AKAP9: variants seen among roughly 807,000 people sequenced by gnomAD.
AKAP9 encodes the protein A-kinase anchoring protein 9.
In AKAP9, 311 loss-of-function variants were observed where a neutral mutation model predicts 488.5. The observed-to-expected ratio is 0.64, with a 90% CI of 0.58 to 0.70. The LOEUF is 0.70. Ranked by LOEUF, AKAP9 falls within the 30% of genes least tolerant of loss-of-function variation. The probability of loss-of-function intolerance (pLI) is 0.00; values close to 1 mark genes in which losing one functional copy is unlikely to be tolerated. For missense variants in AKAP9, 4,215 were observed against 4,374.5 expected (o/e 0.96, Z 1.03); for synonymous variants, 1,462 against 1,483.5 (o/e 0.99, Z 0.33).
At chr7:91,946,278 G>T (rs1393280585) in intron 1 of AKAP9, among the ~76,000 whole-genome samples, 1 of 152,186 alleles carries the variant, frequency 6.6e-6, no homozygotes, top group Non-Finnish European at 1.5e-5. Flanking sequence ...TTCATACTTA[G>T]ATGTGGCAGA....
At chr7:91,997,013 G>A (rs1298734494) in intron 7 of AKAP9, among the ~76,000 whole-genome samples, 3 of 152,246 alleles carry the variant, frequency 2.0e-5, no homozygotes, top group Non-Finnish European at 4.4e-5. Context: ...GTATACACAG[G>A]TAGTAAGTTG....
intron 22 of AKAP9, among the ~76,000 whole-genome samples, chr7:92,055,876 G>A (rs1808710057): frequency 6.6e-6 from 1 of 151,862 alleles, no homozygotes; most frequent in Non-Finnish European, 1.5e-5. Flanking sequence ...GCTCTTTTGA[G>A]TCTTTTTTGC....
At chr7:92,035,978 A>T (rs1335748089) in intron 16 of AKAP9, among the ~76,000 whole-genome samples, 1 of 151,838 alleles carries the variant, frequency 6.6e-6, no homozygotes, top group Non-Finnish European at 1.5e-5. Flanking sequence ...ATCCTTTTAG[A>T]ATCTTATTTC....
At chr7:92,008,590 A>G (rs1397009567) in intron 8 of AKAP9, among the ~76,000 whole-genome samples, 1 of 152,022 alleles carries the variant, frequency 6.6e-6, no homozygotes, top group Non-Finnish European at 1.5e-5. Context: ...ATGGGGGCTG[A>G]GGCAGGAGAA....
intron 12 of AKAP9, among the ~76,000 whole-genome samples, 187 bp downstream of exon 12, chr7:92,017,289 A>C (rs748411978): frequency 2.6e-5 from 4 of 152,120 alleles, no homozygotes; most frequent in Admixed American, 6.6e-5. Flanking sequence ...CAAGTCGAAT[A>C]ATAACCCCTT....
chr7:92,014,635 AT>A (rs1200520718), intron 10 of AKAP9, among the ~76,000 whole-genome samples: 2 of 152,216 alleles, frequency 1.3e-5, no homozygotes, highest in African/African-American at 2.4e-5. Flanking sequence ...TCTCAAAAAA[AT>A]AATAATAAAT....
chr7:92,042,295 CAT>C, intron 19 of AKAP9, 109 bp downstream of exon 19: 3 of 1,444,750 alleles, frequency 2.1e-6, no homozygotes, highest in Non-Finnish European at 2.9e-6. Flanking sequence ...CTGAGCTTAA[CAT>C]ATTTGTGACT....
intron 7 of AKAP9, 81 bp from the exon 8 acceptor site, chr7:92,000,766 GT>G (rs1799053060): frequency 2.7e-6 from 2 of 729,854 alleles, no homozygotes; most frequent in Non-Finnish European, 4.4e-6. Flanking sequence ...ACTTCTGTCA[GT>G]CTTTTGGTAA....
chr7:92,102,793 G>A lies in AKAP9; in HGVS notation c.11297G>A (p.Arg3766Gln), dbSNP rs137892407. The change falls in exon 46 of 50, where the codon CGG becomes CAG. Residue 3766 changes from arginine to glutamine, a missense_variant. Physicochemically the swap from Arg to Gln is conservative, Grantham distance 43. Around this residue, in one of 5 missense-constraint regions of AKAP9, gnomAD observed 253 missense variants for 266.8 expected, o/e 0.95. Transcript: ENST00000356239. ...CGCCCAAAGGGCTTCACCAGGTTTC[G>A]GTCGGCCGTCAGAGTATCCATTGCA... ...TNRPKGFTRF[R>Q]SAVRVSIAIS... is the part of the protein sequence containing the mutation. 96 of 1,614,172 alleles carry A rather than the reference G, an allele frequency of 5.9e-5. 1 individual carries two copies. The highest frequency in any genetic ancestry group is 3.5e-4 in the South Asian group (32 of 91,086).
chr7:92,092,777 G>T (rs551137118), intron 38 of AKAP9: 4 of 272,278 alleles, frequency 1.5e-5, no homozygotes, highest in African/African-American at 6.7e-5. Flanking sequence ...CTCCTGAGTC[G>T]ATGGGACTAC....
At chr7:92,071,686 T>G (rs1213392553) in intron 28 of AKAP9, among the ~76,000 whole-genome samples, 1 of 152,192 alleles carries the variant, frequency 6.6e-6, no homozygotes, top group Non-Finnish European at 1.5e-5. Context: ...TCTTATCATT[T>G]AAAATGTTTA....
At chr7:91,942,453 CAG>C (rs1790887430) in intron 1 of AKAP9, among the ~76,000 whole-genome samples, 1 of 152,186 alleles carries the variant, frequency 6.6e-6, no homozygotes, top group Admixed American at 6.5e-5. Context: ...AAAGGGGAAT[CAG>C]GGTATCTTTA....
intron 2 of AKAP9, 41 bp from the exon 3 acceptor site, chr7:91,980,247 CA>C (rs758538072): frequency 6.0e-6 from 8 of 1,322,862 alleles, no homozygotes; most frequent in South Asian, 1.3e-5. Flanking sequence ...ATATTTAGCA[CA>C]AAAAAGTCAT....
chr7:92,091,165 T>C (rs1446749463), intron 38 of AKAP9, among the ~76,000 whole-genome samples: 2 of 152,192 alleles, frequency 1.3e-5, no homozygotes, highest in African/African-American at 4.8e-5. Flanking sequence ...TAAAGTGAAA[T>C]CTAATTTTCA....
At chr7:92,035,716 G>A (rs1805083004) in intron 16 of AKAP9, among the ~76,000 whole-genome samples, 1 of 152,090 alleles carries the variant, frequency 6.6e-6, no homozygotes, top group South Asian at 2.1e-4. Context: ...ACTTCCCTCT[G>A]CAGTCTCCTA....
chr7:92,022,890 A>G lies in AKAP9; in HGVS notation c.4029A>G (p.Leu1343=). 1 of 1,612,590 alleles carries G rather than the reference A, an allele frequency of 6.2e-7. No homozygotes were observed. The highest frequency in any genetic ancestry group is 8.5e-7 in the Non-Finnish European group (1 of 1,178,692). The change falls in exon 14 of 50, where the codon TTA becomes TTG. Residue 1343 remains leucine (L), a synonymous_variant. Transcript: ENST00000356239. ...KTKLEEQVQE[L]ESLISSLQQQ... is the part of the protein sequence containing the mutation. ...AACTTGAAGAACAAGTTCAAGAATT[A>G]GAAAGCCTCATATCCTCTTTGCAGC... is the stretch of plus-strand genomic sequence containing the variant.
intron 8 of AKAP9, among the ~76,000 whole-genome samples, chr7:92,007,586 T>C (rs1800085560): frequency 6.6e-6 from 1 of 152,212 alleles, no homozygotes; most frequent in African/African-American, 2.4e-5. Flanking sequence ...AAATGAAAAG[T>C]CTCATTTCTG....
At chr7:92,098,082 T>C (rs765970581) in intron 42 of AKAP9, 27 bp from the exon 43 acceptor site, 1 of 1,476,476 alleles carries the variant, frequency 6.8e-7, no homozygotes, top group South Asian at 1.1e-5. Flanking sequence ...AGAAGGTATG[T>C]TTTGACTTTT....
intron 2 of AKAP9, among the ~76,000 whole-genome samples, chr7:91,979,103 G>A (rs911990534): frequency 2.6e-5 from 4 of 151,892 alleles, no homozygotes; most frequent in Non-Finnish European, 5.9e-5. Flanking sequence ...TAGCATTTTA[G>A]GACTTTGTTT....
Sources: gnomAD v4.1 joint callset for allele counts (sites outside exome capture counted in the v4.1 genomes callset) on GRCh38, gnomAD v4.1.1 for gene constraint, gnomAD v4.1.1 regional missense constraint, MANE v1.5 for transcripts, NCBI Gene and HGNC (gene_info 2026-07-23, HGNC 2026-07-21) for gene names.